Variants in ITFG1 observed in about 807,000 individuals in gnomAD.
ITFG1 encodes the protein T-cell immunomodulatory protein.
ITFG1 carries 34 observed loss-of-function variants against 81.8 expected under a neutral mutation model. That is an observed-to-expected ratio of 0.42 (90% CI 0.32 to 0.55). ITFG1 has a LOEUF of 0.55. Among genes scored for constraint, ITFG1 ranks in the 20% least tolerant of loss-of-function variants. The pLI is 0.17. For missense variants in ITFG1, 672 were observed against 755.4 expected (o/e 0.89, Z 1.29); for synonymous variants, 285 against 270.6 (o/e 1.05, Z -0.52).
rs1596793071 is a variant in ITFG1, at chr16:47,184,904, C to T, written c.1454-22240G>A. 4.6e-5 allele frequency among the ~76,000 whole-genome samples: 7 copies of T among 151,998 alleles called. No homozygotes were observed. The South Asian group carries it at 1.5e-3, about 32-fold the overall frequency. ...AACCCATCTCACGTGCAGAGACACA[C>T]ATAGGCTCAAAATAAAAGGATGGAG... On this transcript the variant is annotated intron_variant, in intron 14 of 17. Coordinates refer to ENST00000320640, the MANE Select transcript of ITFG1 (RefSeq NM_030790.5).
intron 14 of ITFG1, among the ~76,000 whole-genome samples, chr16:47,181,311 G>A (rs1965110690): frequency 6.6e-6 from 1 of 150,438 alleles, no homozygotes; most frequent in Admixed American, 6.6e-5. Context: ...GGGAAGTGAG[G>A]AGCGTCTCCG....
intron 2 of ITFG1, 111 bp downstream of exon 2, chr16:47,458,992 G>T: frequency 1.5e-6 from 1 of 661,972 alleles, no homozygotes; most frequent in South Asian, 1.9e-5. Context: ...ACAAACAGTG[G>T]TTTTGCATCC....
At chr16:47,437,261 T>C (rs1160349454) in intron 5 of ITFG1, among the ~76,000 whole-genome samples, 1 of 151,724 alleles carries the variant, frequency 6.6e-6, no homozygotes, top group African/African-American at 2.4e-5. Flanking sequence ...AGCCTAGGGG[T>C]TCAAGACCAG....
intron 6 of ITFG1, among the ~76,000 whole-genome samples, chr16:47,390,711 C>G (rs566893983): frequency 2.0e-5 from 3 of 152,078 alleles, no homozygotes; most frequent in Admixed American, 6.6e-5. Context: ...CCGCCCACCT[C>G]GGCCTCTCAA....
At chr16:47,375,280 T>C (rs575513087) in intron 7 of ITFG1, among the ~76,000 whole-genome samples, 2 of 152,320 alleles carry the variant, frequency 1.3e-5, no homozygotes, top group South Asian at 2.1e-4. Context: ...TCTTCTACTA[T>C]GTAGCCTGAA....
chr16:47,321,554 T>C (rs1439490903), intron 8 of ITFG1, among the ~76,000 whole-genome samples: 1 of 152,188 alleles, frequency 6.6e-6, no homozygotes, highest in Non-Finnish European at 1.5e-5. Context: ...GAATGGGGCA[T>C]GGTGGTACAT....
At position 47,408,187 on chromosome 16, in the gene ITFG1, T is replaced by C. The variant is rs138251621; in HGVS notation, c.655+20617A>G. ...GGTGATCTTGTTTTTTCGTCTTTGG[T>C]TCCTAGCACAATGCTTGGAAGAGTA... On this transcript the variant is annotated intron_variant, in intron 6 of 17. Coordinates refer to ENST00000320640, the MANE Select transcript of ITFG1 (RefSeq NM_030790.5). 1.8e-4 allele frequency among the ~76,000 whole-genome samples: 28 copies of C among 152,354 alleles called. No homozygotes were observed. The East Asian group carries it at 5.4e-3, about 29-fold the overall frequency.
At chr16:47,441,050 C>A (rs1969242494) in intron 5 of ITFG1, among the ~76,000 whole-genome samples, 4 of 152,172 alleles carry the variant, frequency 2.6e-5, no homozygotes, top group Admixed American at 6.5e-5. Flanking sequence ...ACTATAAACA[C>A]CTCTACGCAA....
At chr16:47,166,774 A>ATCAAT (rs375130489) in intron 14 of ITFG1, among the ~76,000 whole-genome samples, 150,774 of 152,228 alleles carry the variant, frequency 0.99, 74,681 homozygotes, top group East Asian at 1. Context: ...TTTGCACCCA[A>ATCAAT]ATTAGTTTGC....
At chr16:47,286,011 T>A (rs1966868143) in intron 10 of ITFG1, among the ~76,000 whole-genome samples, 1 of 152,154 alleles carries the variant, frequency 6.6e-6, no homozygotes, top group African/African-American at 2.4e-5. Flanking sequence ...CTCCTCCACA[T>A]GGCAGACTAC....
At chr16:47,455,418 G>A (rs1432667387) in intron 2 of ITFG1, among the ~76,000 whole-genome samples, 4 of 151,444 alleles carry the variant, frequency 2.6e-5, no homozygotes, top group Admixed American at 2.6e-4. Context: ...ACAACAGTAT[G>A]CTAAAAGACA....
At chr16:47,165,678 T>G (rs1433249436) in intron 14 of ITFG1, among the ~76,000 whole-genome samples, 1 of 152,160 alleles carries the variant, frequency 6.6e-6, no homozygotes, top group African/African-American at 2.4e-5. Flanking sequence ...AAGCCCCACC[T>G]CTACAAAAAA....
intron 13 of ITFG1, among the ~76,000 whole-genome samples, chr16:47,229,332 G>A (rs1429981501): frequency 1.3e-5 from 2 of 152,140 alleles, no homozygotes; most frequent in Admixed American, 6.5e-5. Flanking sequence ...AGGTGAAGAA[G>A]AGAAGGCTTT....
rs564450757 is a variant in ITFG1 at position 47,234,635 on chromosome 16, C to T, written c.1374+3330G>A. 4.6e-5 allele frequency among the ~76,000 whole-genome samples: 7 copies of T among 151,904 alleles called. No homozygotes were observed. In the South Asian group the frequency reaches 8.3e-4, roughly 18 times the overall value. On this transcript the variant is annotated intron_variant, in intron 13 of 17. Coordinates refer to ENST00000320640, the MANE Select transcript of ITFG1 (RefSeq NM_030790.5). ...TATTCGAACCGCAAAAAATCAAAAA[C>T]GAAGAGAAAATCTTGAAACAAGCCA...
At chr16:47,437,783 G>A (rs987284319) in intron 5 of ITFG1, among the ~76,000 whole-genome samples, 3 of 152,226 alleles carry the variant, frequency 2.0e-5, no homozygotes, top group Admixed American at 6.5e-5. Flanking sequence ...CGTAGAAGAC[G>A]GGTGATTTCT....
chr16:47,231,509 T>G (rs1185596097), intron 13 of ITFG1, among the ~76,000 whole-genome samples: 1 of 152,206 alleles, frequency 6.6e-6, no homozygotes, highest in Non-Finnish European at 1.5e-5. Flanking sequence ...ATTTCATAAA[T>G]TTGTGATGTT....
At position 47,461,000 on chromosome 16, in the gene ITFG1, G is replaced by A. The variant is rs1361003467; in HGVS notation, c.46C>T (p.Pro16Ser). 6.4e-7 allele frequency: 1 copy of A among 1,566,202 alleles called. No individual in the cohort carries two copies. The highest frequency in any genetic ancestry group is 1.2e-5 in the South Asian group (1 of 86,436). The change falls in exon 1 of 18, where the codon CCG becomes TCG. Residue 16 changes from proline (P) to serine (S), a missense_variant. Physicochemically the swap from Pro to Ser is moderately conservative, Grantham distance 74. Coordinates refer to ENST00000320640, the MANE Select transcript of ITFG1 (RefSeq NM_030790.5). ...AGTAGTGCAAGCCCTGCGAGGAGCG[G>A]CGAGAAGAGGGCCCAGGAGCTCGGG... ...RLPSSWALFSPLLAGLALLGV... is the reference protein window; with the variant it reads ...RLPSSWALFSSLLAGLALLGV...
At chr16:47,343,285 G>A (rs1009532935) in intron 8 of ITFG1, among the ~76,000 whole-genome samples, 1 of 152,008 alleles carries the variant, frequency 6.6e-6, no homozygotes, top group Non-Finnish European at 1.5e-5. Flanking sequence ...CATGAAAAAG[G>A]ACCCAGCATC....
At chr16:47,230,814 T>A (rs1965809166) in intron 13 of ITFG1, among the ~76,000 whole-genome samples, 2 of 152,198 alleles carry the variant, frequency 1.3e-5, no homozygotes, top group African/African-American at 2.4e-5. Flanking sequence ...AGTGGCGCGA[T>A]CTCGGCTCAC....
Sources: gnomAD v4.1 joint callset for allele counts (sites outside exome capture counted in the v4.1 genomes callset) on GRCh38, gnomAD v4.1.1 for gene constraint, MANE v1.5 for transcripts, NCBI Gene and HGNC (gene_info 2026-07-23, HGNC 2026-07-21) for gene names.